Variants in UTS2 observed in about 807,000 individuals in gnomAD.
UTS2 encodes urotensin-2.
In UTS2, 10 loss-of-function variants were observed where a neutral mutation model predicts 12.6. The observed-to-expected ratio is 0.80, with a 90% CI of 0.49 to 1.35. The LOEUF (loss-of-function observed/expected upper bound fraction) is 1.35. UTS2 is among the 40% of genes most tolerant of loss of function. UTS2 has a pLI of 0.00. For missense variants in UTS2, 142 were observed against 143.2 expected (o/e 0.99, Z 0.04); for synonymous variants, 52 against 50.0 (o/e 1.04, Z -0.17).
At chr1:7,868,438 C>T in the UTS2 span, among the ~76,000 whole-genome samples, 3 of 152,280 alleles carry the variant, frequency 2.0e-5, no homozygotes, top group Admixed American at 6.5e-5. Context: ...ATTGAGGCAG[C>T]CTGCAAGCAC....
chr1:7,853,304 T>TA (rs776071622), upstream of UTS2: 5 of 1,614,048 alleles, frequency 3.1e-6, no homozygotes, highest in Admixed American at 8.3e-5. Context: ...AGAGGCAACT[T>TA]ACAGCAATAA....
At chr1:7,857,718 T>G (rs1246731110), upstream of UTS2, among the ~76,000 whole-genome samples, 2 of 151,796 alleles carry the variant, frequency 1.3e-5, no homozygotes, top group Non-Finnish European at 2.9e-5. Flanking sequence ...CAGGAGTAGT[T>G]GTGCACCTGT....
Position 7,852,989 on chromosome 1 carries a change from G to A in UTS2, c.15C>T (p.Ala5=). Residue 5 remains alanine, a synonymous_variant, in exon 1 of 4, where the codon GCC becomes GCT. Coordinates refer to ENST00000361696, the MANE Select transcript of UTS2 (RefSeq NM_006786.4). ...ATCCTATGAAAAGCAAACAGCAGGA[G>A]GCCAGCTTATACATGATCGCCACAA... MYKL[A]SCCLLFIGFL... is the part of the protein sequence containing the mutation. 1 of 1,613,390 alleles carries A rather than the reference G, an allele frequency of 6.2e-7. No homozygotes were observed. The highest frequency in any genetic ancestry group is 8.5e-7 in the Non-Finnish European group (1 of 1,179,756).
Position 7,852,894 on chromosome 1 carries a change from AT to A in UTS2, c.103+6del. ...AGACTAACATAAGGGGAAAAAAAAAATCTTACCTGAGAGTTGAAAGGATATT... is the reference window on the plus strand; with the variant it reads ...AGACTAACATAAGGGGAAAAAAAAAACTTACCTGAGAGTTGAAAGGATATT... On this transcript the variant is annotated splice_donor_region_variant and intron_variant, in intron 1 of 3. Transcript: ENST00000361696. 2 of 1,600,444 alleles carry A rather than the reference AT, an allele frequency of 1.2e-6. 1 individual carries two copies. Among genetic ancestry groups the A allele is most frequent in the South Asian group, 2.3e-5 (2 of 88,154 alleles).
At chr1:7,857,748 G>A (rs754265970), upstream of UTS2, among the ~76,000 whole-genome samples, 1 of 151,618 alleles carries the variant, frequency 6.6e-6, no homozygotes, top group African/African-American at 2.4e-5. Flanking sequence ...CACTTGGGAG[G>A]CTGAGGTGGG....
the UTS2 span, among the ~76,000 whole-genome samples, chr1:7,902,687 A>T: frequency 6.6e-6 from 1 of 152,078 alleles, no homozygotes; most frequent in Admixed American, 6.6e-5. Context: ...TCGGCCTCCC[A>T]AAGTGCTGAA....
the UTS2 span, among the ~76,000 whole-genome samples, chr1:7,902,464 G>A: frequency 1.3e-5 from 2 of 152,048 alleles, no homozygotes; most frequent in Non-Finnish European, 2.9e-5. Flanking sequence ...TCGTCAGTGC[G>A]GCTTTTTCTA....
chr1:7,875,343 G>C, the UTS2 span, among the ~76,000 whole-genome samples: 1 of 152,180 alleles, frequency 6.6e-6, no homozygotes, highest in Non-Finnish European at 1.5e-5. Flanking sequence ...CAAAGGACTG[G>C]GATTACAGGC....
the UTS2 span, among the ~76,000 whole-genome samples, chr1:7,894,782 C>T: frequency 6.7e-6 from 1 of 149,870 alleles, no homozygotes; most frequent in Admixed American, 6.7e-5. Context: ...GAGATGGAAA[C>T]CAGCCCGGCA....
the UTS2 span, among the ~76,000 whole-genome samples, chr1:7,881,981 A>G: frequency 6.6e-6 from 1 of 152,250 alleles, no homozygotes; most frequent in Non-Finnish European, 1.5e-5. Context: ...CCGTATATTC[A>G]CAGCAAATGG....
At chr1:7,856,116 C>A (rs1310990235), upstream of UTS2, among the ~76,000 whole-genome samples, 1 of 152,076 alleles carries the variant, frequency 6.6e-6, no homozygotes, top group Non-Finnish European at 1.5e-5. Context: ...CAGGTGTGAG[C>A]CTCCACACCT....
the UTS2 span, among the ~76,000 whole-genome samples, chr1:7,862,364 T>G: frequency 6.6e-6 from 1 of 152,046 alleles, no homozygotes; most frequent in African/African-American, 2.4e-5. Flanking sequence ...ACTGTTGCTG[T>G]AAGAGAATAC....
the UTS2 span, among the ~76,000 whole-genome samples, chr1:7,890,967 A>AACCCC: frequency 1.5e-5 from 2 of 135,780 alleles, no homozygotes; most frequent in Non-Finnish European, 3.3e-5. Context: ...GATACCCTCC[A>AACCCC]CCCCCCCCCA....
the UTS2 span, among the ~76,000 whole-genome samples, chr1:7,902,556 C>T: frequency 6.6e-6 from 1 of 152,096 alleles, no homozygotes; most frequent in Non-Finnish European, 1.5e-5. Context: ...GGAAGGGCGT[C>T]CCTACTAAGG....
chr1:7,890,147 C>G, the UTS2 span, among the ~76,000 whole-genome samples: 14 of 151,096 alleles, frequency 9.3e-5, no homozygotes, highest in African/African-American at 2.9e-4. Context: ...AAAAATTCCT[C>G]TTTTAAGCTC....
At chr1:7,861,358 G>A in the UTS2 span, among the ~76,000 whole-genome samples, 2 of 152,132 alleles carry the variant, frequency 1.3e-5, no homozygotes, top group East Asian at 1.9e-4. Flanking sequence ...GACAAGAGCC[G>A]TTTTGGTGGC....
chr1:7,848,191 T>G (rs1186027706), intron 3 of UTS2, among the ~76,000 whole-genome samples: 1 of 152,122 alleles, frequency 6.6e-6, no homozygotes, highest in Non-Finnish European at 1.5e-5. Context: ...CTCATGCCTA[T>G]AATCCTAGCA....
At chr1:7,874,838 G>A in the UTS2 span, among the ~76,000 whole-genome samples, 2 of 152,154 alleles carry the variant, frequency 1.3e-5, no homozygotes, top group Admixed American at 6.5e-5. Context: ...ATGATAGTGA[G>A]TAAATTCTCA....
chr1:7,906,195 C>A, the UTS2 span, among the ~76,000 whole-genome samples: 20 of 152,054 alleles, frequency 1.3e-4, no homozygotes, highest in Non-Finnish European at 7.3e-5. Flanking sequence ...TGTGAAGAAG[C>A]ATTTCATGAT....
Sources: allele counts gnomAD v4.1 joint callset (sites outside exome capture counted in the v4.1 genomes callset), GRCh38; gene constraint gnomAD v4.1.1; transcripts MANE v1.5; gene names NCBI Gene and HGNC (gene_info 2026-07-23, HGNC 2026-07-21).